CSMD1: variants seen among roughly 807,000 people sequenced by gnomAD.
CSMD1 encodes the protein CUB and sushi domain-containing protein 1.
Under a neutral mutation model 417.5 loss-of-function variants are expected in CSMD1, and 213 were observed. The observed-to-expected ratio is 0.51, with a 90% CI of 0.46 to 0.57. The LOEUF (loss-of-function observed/expected upper bound fraction) is 0.57. Among genes scored for constraint, CSMD1 ranks in the 20% least tolerant of loss-of-function variants. CSMD1 has a pLI of 0.00. For synonymous variants in CSMD1, 2,862 were observed against 1,736.8 expected, an observed-to-expected ratio of 1.65 and a Z score of -16.11; for missense variants, 6,923 against 4,529.7, an observed-to-expected ratio of 1.53 and a Z score of -15.17.
intron 2 of CSMD1, among the ~76,000 whole-genome samples, chr8:4,627,020 A>C (rs887703920): frequency 7.9e-5 from 12 of 152,162 alleles, no homozygotes; most frequent in African/African-American, 2.9e-4. Flanking sequence ...ACTCTAAGTA[A>C]TATTATATTC....
In CSMD1 at chr8:3,379,020, C is replaced by G. The variant is rs564614111; in HGVS notation, c.2782+8474G>C. Among the ~76,000 whole-genome samples the G allele has an allele frequency of 1.4e-3, 217 of 152,318 alleles. 2 individuals are homozygous for G. Among genetic ancestry groups the G allele is most frequent in the Non-Finnish European group, 2.6e-3 (179 of 68,030 alleles). On this transcript the variant is annotated intron_variant, in intron 18 of 69. Transcript: ENST00000635120. Reference sequence around the variant, plus strand: ...ACCCCATTTTCTCATCTCAAAATCTCCTTAAGCTGATAAACAACTTCAGCA... The same window carrying G: ...ACCCCATTTTCTCATCTCAAAATCTGCTTAAGCTGATAAACAACTTCAGCA...
chr8:3,978,723 G>T (rs1156482342), intron 5 of CSMD1, among the ~76,000 whole-genome samples: 1 of 152,108 alleles, frequency 6.6e-6, no homozygotes, highest in Non-Finnish European at 1.5e-5. Context: ...TGATATTGAT[G>T]TAAAAAGACA....
intron 12 of CSMD1, among the ~76,000 whole-genome samples, chr8:3,423,939 C>A (rs1469797859): frequency 6.6e-6 from 1 of 152,170 alleles, no homozygotes; most frequent in Non-Finnish European, 1.5e-5. Context: ...AATTATTTAA[C>A]TATTTTTGGC....
intron 2 of CSMD1, among the ~76,000 whole-genome samples, chr8:4,547,647 A>G (rs1191735351): frequency 1.3e-5 from 2 of 152,194 alleles, no homozygotes; most frequent in African/African-American, 2.4e-5. Flanking sequence ...ATTATACTCA[A>G]TGAATGTAAA....
chr8:4,273,382 G>T (rs1431694332), intron 3 of CSMD1, among the ~76,000 whole-genome samples: 1 of 152,050 alleles, frequency 6.6e-6, no homozygotes, highest in Non-Finnish European at 1.5e-5. Context: ...TGGGTTTCTG[G>T]ATTTCATATC....
intron 49 of CSMD1, among the ~76,000 whole-genome samples, chr8:3,063,045 C>A (rs543987763): frequency 6.6e-6 from 1 of 152,158 alleles, no homozygotes; most frequent in African/African-American, 2.4e-5. Context: ...CGGATGCCAA[C>A]CACCAATGTC....
At chr8:4,175,052 C>G (rs1025177417) in intron 3 of CSMD1, among the ~76,000 whole-genome samples, 1 of 151,742 alleles carries the variant, frequency 6.6e-6, no homozygotes, top group Non-Finnish European at 1.5e-5. Context: ...TCTAAGTGAA[C>G]CCTGGGCATC....
intron 12 of CSMD1, among the ~76,000 whole-genome samples, chr8:3,414,872 G>C (rs1482779050): frequency 1.3e-5 from 2 of 152,042 alleles, no homozygotes; most frequent in African/African-American, 4.8e-5. Flanking sequence ...AATTCAGTCT[G>C]CGCTTGCTCG....
rs1554543639 is a variant in CSMD1 at position 3,412,111 on chromosome 8, C to CGT, written c.1562-2507_1562-2506insAC. On this transcript the variant is annotated intron_variant, in intron 12 of 69. Coordinates refer to ENST00000635120, the MANE Select transcript of CSMD1 (RefSeq NM_033225.6). ...ATACACACGTATATATACATATATA[C>CGT]ATATATACACACGTATATATACATA... Among the ~76,000 whole-genome samples the CGT allele has an allele frequency of 7.1e-4, 76 of 106,794 alleles. 14 individuals are homozygous for CGT. Among genetic ancestry groups the CGT allele is most frequent in the African/African-American group, 3.4e-3 (75 of 21,860 alleles). The allele number at this position is 106,794 out of a possible 152,430, so 70.1% of individuals were successfully genotyped here. A position where few individuals can be genotyped will look rare whatever the true frequency, so the allele number is the denominator to read the frequency against.
At chr8:3,396,517 A>T (rs932529412) in intron 16 of CSMD1, 136 bp from the exon 17 acceptor site, 5 of 610,656 alleles carry the variant, frequency 8.2e-6, no homozygotes, top group Non-Finnish European at 1.4e-5. Context: ...CATATGCTTA[A>T]AACTTGGGTA....
chr8:4,154,570 G>C (rs376830827), intron 3 of CSMD1, among the ~76,000 whole-genome samples: 3 of 152,116 alleles, frequency 2.0e-5, no homozygotes, highest in East Asian at 3.9e-4. Flanking sequence ...CCGTGAGCTG[G>C]GCCAAGAGGT....
At chr8:3,412,380 A>C (rs570010158) in intron 12 of CSMD1, among the ~76,000 whole-genome samples, 1 of 152,220 alleles carries the variant, frequency 6.6e-6, no homozygotes, top group East Asian at 1.9e-4. Context: ...GAAGTGACTC[A>C]GAACTGAATT....
rs752550768 is a variant in CSMD1 at position 3,740,184 on chromosome 8, C to A, written c.931+13746G>T. On this transcript the variant is annotated intron_variant, in intron 6 of 69. Coordinates refer to ENST00000635120, the MANE Select transcript of CSMD1 (RefSeq NM_033225.6). ...GCAATAGCATGATCTTGGCTCACTG[C>A]AACCCCCACCTCCCAGGTTCAAGTG... Among the ~76,000 whole-genome samples the A allele has an allele frequency of 1.4e-4, 21 of 152,172 alleles. 1 individual carries two copies. Among genetic ancestry groups the A allele is most frequent in the Admixed American group, 1.1e-3 (17 of 15,264 alleles).
At chr8:3,970,272 C>T (rs1210882532) in intron 5 of CSMD1, among the ~76,000 whole-genome samples, 1 of 152,274 alleles carries the variant, frequency 6.6e-6, no homozygotes, top group South Asian at 2.1e-4. Flanking sequence ...GCTGTATGTC[C>T]GAAGCCTTTG....
At chr8:4,429,584 A>G (rs910968654) in intron 2 of CSMD1, among the ~76,000 whole-genome samples, 3 of 152,158 alleles carry the variant, frequency 2.0e-5, no homozygotes, top group Non-Finnish European at 4.4e-5. Flanking sequence ...ATACTGATTT[A>G]GGAGGCAAAG....
chr8:3,594,080 A>G (rs1030869338), intron 8 of CSMD1, among the ~76,000 whole-genome samples: 3 of 152,118 alleles, frequency 2.0e-5, no homozygotes, highest in African/African-American at 4.8e-5. Context: ...AACACCTCCA[A>G]TATCTAATAT....
At chr8:4,113,668 T>C (rs2130918182) in intron 3 of CSMD1, among the ~76,000 whole-genome samples, 2 of 152,236 alleles carry the variant, frequency 1.3e-5, no homozygotes, top group South Asian at 4.1e-4. Context: ...CCTCCCAAAG[T>C]GCTAGGATTA....
intron 2 of CSMD1, among the ~76,000 whole-genome samples, chr8:4,566,497 C>G (rs529849016): frequency 5.3e-5 from 8 of 150,442 alleles, no homozygotes; most frequent in African/African-American, 2.0e-4. Context: ...ACTAAAAATA[C>G]AAAAAATTAG....
At chr8:4,796,060 G>C (rs760542789) in intron 1 of CSMD1, among the ~76,000 whole-genome samples, 1 of 152,174 alleles carries the variant, frequency 6.6e-6, no homozygotes, top group Non-Finnish European at 1.5e-5. Flanking sequence ...CACCAGGAGA[G>C]CCACTGGCAT....
Sources: gnomAD v4.1 joint callset for allele counts (sites outside exome capture counted in the v4.1 genomes callset) on GRCh38, gnomAD v4.1.1 for gene constraint, MANE v1.5 for transcripts, NCBI Gene and HGNC (gene_info 2026-07-23, HGNC 2026-07-21) for gene names.